The following LMF1 variants were observed in gnomAD, a reference collection of about 807,000 sequenced individuals.
LMF1 encodes transmembrane protein 112.
LMF1 carries 68 observed loss-of-function variants against 60.6 expected under a neutral mutation model. That is an observed-to-expected ratio of 1.12 (90% confidence interval 0.92 to 1.37). The LOEUF is 1.37. Ranked by LOEUF, LMF1 falls within the 40% of genes most tolerant of loss-of-function variation. LMF1 has a pLI of 0.00. For synonymous variants in LMF1, 418 were observed against 324.7 expected, an observed-to-expected ratio of 1.29 and a Z score of -3.09; for missense variants, 948 against 767.2, an observed-to-expected ratio of 1.24 and a Z score of -2.78.
At chr16:861,786 C>A (rs924912695) in intron 10 of LMF1, among the ~76,000 whole-genome samples, 1 of 152,160 alleles carries the variant, frequency 6.6e-6, no homozygotes, top group Non-Finnish European at 1.5e-5. Context: ...CCTTGTCCTG[C>A]GTACTGCAGT....
chr16:908,716 G>A lies in LMF1; in HGVS notation c.663+2215C>T, dbSNP rs563884687. ...GCGGGAGCGGCTCCTGGGAGGCGGA[G>A]CCAGCCCGCAGGGTTCACACAGTAA... On this transcript the variant is annotated intron_variant, in intron 4 of 10. Transcript: ENST00000262301. 7.2e-5 allele frequency among the ~76,000 whole-genome samples: 11 copies of A among 152,372 alleles called. No individual in the cohort carries two copies. In the East Asian group the frequency reaches 1.7e-3, roughly 24 times the overall value.
chr16:968,229 G>C (rs1372457948), intron 1 of LMF1: 2 of 152,206 alleles, frequency 1.3e-5, no homozygotes, highest in African/African-American at 4.8e-5. Flanking sequence ...GCCTCTCCAG[G>C]TCTGGCTTCG....
chr16:894,298 T>TC (rs2070594323), intron 4 of LMF1, among the ~76,000 whole-genome samples: 2 of 41,396 alleles, frequency 4.8e-5, no homozygotes, highest in Non-Finnish European at 9.3e-5. Flanking sequence ...CGCCCACCCA[T>TC]CCCCTGTCCA....
chr16:977,588 G>A (rs1341720002), intron 1 of LMF1, among the ~76,000 whole-genome samples: 1 of 152,168 alleles, frequency 6.6e-6, no homozygotes, highest in Non-Finnish European at 1.5e-5. Context: ...CCGGCTGCCA[G>A]CGGGTTCACG....
chr16:935,350 C>T (rs2071909476), intron 2 of LMF1, among the ~76,000 whole-genome samples: 2 of 152,128 alleles, frequency 1.3e-5, no homozygotes, highest in African/African-American at 2.4e-5. Flanking sequence ...CTGCCTCCAC[C>T]TCCCTAAGTG....
At chr16:856,685 G>A (rs2069193077) in intron 10 of LMF1, among the ~76,000 whole-genome samples, 1 of 152,240 alleles carries the variant, frequency 6.6e-6, no homozygotes, top group African/African-American at 2.4e-5. Flanking sequence ...AACCCTCTGT[G>A]CCAACTGGCA....
chr16:896,692 T>C (rs142904170), intron 4 of LMF1, among the ~76,000 whole-genome samples: 4,904 of 152,284 alleles, frequency 0.032, 88 homozygotes, highest in South Asian at 0.046. Flanking sequence ...CCACCGCCAC[T>C]GCTCCCCCCG....
chr16:927,522 C>A (rs914465328), intron 3 of LMF1, among the ~76,000 whole-genome samples: 2 of 152,370 alleles, frequency 1.3e-5, no homozygotes, highest in African/African-American at 4.8e-5. Context: ...ACGGCAGAGG[C>A]CGTGGAGGCT....
chr16:921,125 C>T (rs1231776335), intron 3 of LMF1: 1 of 152,246 alleles, frequency 6.6e-6, no homozygotes, highest in East Asian at 1.9e-4. Flanking sequence ...AGAAGGAACT[C>T]AGTAAAACAA....
At position 970,832 on chromosome 16, in the gene LMF1, C is replaced by G. The variant is rs1167928854; in HGVS notation, c.149G>C (p.Trp50Ser). ...SPAHLHTGTF[W>S]LTRIVLLKAL... ...CTTCAGGAGCACGATCCGGGTCAGC[C>G]AGAAGGTGCCCGTGTGGAGATGGGC... The change falls in exon 1 of 11, where the codon TGG (tryptophan) becomes TCG (serine). Residue 50 changes from tryptophan (W) to serine (S), a missense_variant. Trp to Ser is a radical substitution (Grantham distance 177, BLOSUM62 -3). Transcript: ENST00000262301. 1.3e-6 allele frequency: 2 copies of G among 1,549,602 alleles called. No homozygotes were observed. The highest frequency in any genetic ancestry group is 1.7e-6 in the Non-Finnish European group (2 of 1,148,054).
intron 4 of LMF1, 114 bp from the exon 5 acceptor site, chr16:893,186 T>A (rs1024917922): frequency 1.1e-6 from 1 of 897,304 alleles, no homozygotes; most frequent in Non-Finnish European, 1.8e-6. Flanking sequence ...GGATCTGGGC[T>A]GCAGGCGCTG....
chr16:935,723 C>T (rs992019179), intron 2 of LMF1, among the ~76,000 whole-genome samples: 5 of 152,202 alleles, frequency 3.3e-5, no homozygotes, highest in Admixed American at 6.5e-5. Flanking sequence ...TAAGGAGCAA[C>T]GTTGCCTAAT....
chr16:930,057 CCAGGACAGCAGTGGTCACGTCCGTCTGAA>C, intron 3 of LMF1, among the ~76,000 whole-genome samples: 1 of 143,978 alleles, frequency 6.9e-6, no homozygotes, highest in Admixed American at 7.0e-5. Flanking sequence ...GGGACAGAGC[CCAGGACAGCAGTGGTCACGTCCGTCTGAA>C]CGGGGGCGCA....
chr16:886,002 A>C (rs1013601069), intron 5 of LMF1, among the ~76,000 whole-genome samples: 1 of 152,268 alleles, frequency 6.6e-6, no homozygotes, highest in African/African-American at 2.4e-5. Context: ...TATCAAGTAT[A>C]TTCTGACAAT....
chr16:939,221 T>C (rs2072028413), intron 2 of LMF1, among the ~76,000 whole-genome samples: 2 of 150,680 alleles, frequency 1.3e-5, no homozygotes, highest in Non-Finnish European at 1.5e-5. Flanking sequence ...GGAAATGGGA[T>C]GTTCTGAGTA....
At position 931,870 on chromosome 16, in the gene LMF1, C is replaced by T; in HGVS notation, c.514+2374G>A. ...GAAAACATTAACATTAATGAGTCAA[C>T]AATTCGCTTCTGAGTCCCTACAATT... On this transcript the variant is annotated intron_variant, in intron 3 of 10. Coordinates refer to ENST00000262301, the MANE Select transcript of LMF1 (RefSeq NM_022773.4). 9.2e-6 allele frequency: 11 copies of T among 1,190,500 alleles called. No homozygotes were observed. In the South Asian group the frequency reaches 1.4e-4, roughly 16 times the overall value. The allele number at this position is 1,190,500 out of a possible 1,614,324, so 73.7% of individuals were successfully genotyped here. A position where few individuals can be genotyped will look rare whatever the true frequency, so the allele number is the denominator to read the frequency against.
At chr16:856,158 T>G (rs776480917) in intron 10 of LMF1, 163 of 362,582 alleles carry the variant, frequency 4.5e-4, no homozygotes, top group Non-Finnish European at 7.9e-4. Context: ...AGTTGGTGGC[T>G]CCCGTCCACT....
chr16:939,357 T>C (rs1205757844), intron 2 of LMF1, among the ~76,000 whole-genome samples: 1 of 152,118 alleles, frequency 6.6e-6, no homozygotes, highest in East Asian at 1.9e-4. Context: ...ACACAGTAAG[T>C]CACAGCCCTG....
At chr16:942,243 G>A (rs2072118620) in intron 2 of LMF1, among the ~76,000 whole-genome samples, 1 of 152,156 alleles carries the variant, frequency 6.6e-6, no homozygotes, top group Non-Finnish European at 1.5e-5. Flanking sequence ...TCATCCTCTG[G>A]CCTCCAGTGG....
Sources: allele counts gnomAD v4.1 joint callset (sites outside exome capture counted in the v4.1 genomes callset), GRCh38; gene constraint gnomAD v4.1.1; transcripts MANE v1.5; gene names NCBI Gene and HGNC (gene_info 2026-07-23, HGNC 2026-07-21).